The following SUMO2 variants were observed in gnomAD, a reference collection of about 807,000 sequenced individuals.
SUMO2 encodes the protein small ubiquitin-related modifier 2.
Under a neutral mutation model 16.0 loss-of-function variants are expected in SUMO2, and 1 was observed. The ratio of observed to expected loss-of-function variants is 0.06; its 90% confidence interval spans 0.02 to 0.30. The LOEUF (loss-of-function observed/expected upper bound fraction) is 0.30. SUMO2 is among the 10% of genes least tolerant of loss of function. The pLI, the probability that SUMO2 is intolerant of heterozygous loss-of-function variation, is 1.00. For synonymous variants in SUMO2, 36 were observed against 40.6 expected (o/e 0.89, Z 0.43); for missense variants, 16 against 117.5 (o/e 0.14, Z 3.99).
chr17:75,175,691 G>A (rs911705120), intron 2 of SUMO2, among the ~76,000 whole-genome samples: 4 of 152,058 alleles, frequency 2.6e-5, no homozygotes, highest in Non-Finnish European at 5.9e-5. Context: ...GGAGTGCAGT[G>A]GTGCGATCTT....
chr17:75,178,019 C>A lies in SUMO2; in HGVS notation c.153+3038G>T, dbSNP rs2074797370. Among the ~76,000 whole-genome samples, 5 of 139,898 alleles carry A rather than the reference C, an allele frequency of 3.6e-5. No individual in the cohort carries two copies. In the South Asian group the frequency reaches 1.1e-3, roughly 30 times the overall value. 91.8% of individuals were successfully genotyped at this position (139,898 alleles called of 152,430 possible). A position where few individuals can be genotyped will look rare whatever the true frequency, so the allele number is the denominator to read the frequency against. On this transcript the variant is annotated intron_variant, in intron 2 of 3. Transcript: ENST00000420826. Reference sequence around the variant, plus strand: ...AAAAAAAAAAAAAAAAAAGAATCGCCCAGTGGCACAAGCCTATAGTCCCAA... The same window carrying A: ...AAAAAAAAAAAAAAAAAAGAATCGCACAGTGGCACAAGCCTATAGTCCCAA...
At chr17:75,168,565 A>G (rs2074710792) in intron 3 of SUMO2, among the ~76,000 whole-genome samples, 164 bp from the exon 4 acceptor site, 1 of 152,112 alleles carries the variant, frequency 6.6e-6, no homozygotes, top group Non-Finnish European at 1.5e-5. Context: ...TGGTTTAAGT[A>G]ATTTTTCACT....
intron 2 of SUMO2, among the ~76,000 whole-genome samples, chr17:75,177,783 A>C (rs1399358301): frequency 2.0e-5 from 3 of 151,588 alleles, no homozygotes; most frequent in African/African-American, 7.3e-5. Context: ...ACCTGAGCTC[A>C]GGAGTTCAAG....
At position 75,170,369 on chromosome 17, in the gene SUMO2, A is replaced by C. The variant is rs139843510; in HGVS notation, c.226-1968T>G. On this transcript the variant is annotated intron_variant, in intron 3 of 3. Transcript: ENST00000420826. The stretch of plus-strand genomic sequence containing the variant: ...GGCGGATCACCAGGTCAACAGGTCA[A>C]ACCCATCCTGGCCAACATGGTGAAA... Among the ~76,000 whole-genome samples, 3 of 152,124 alleles carry C rather than the reference A, an allele frequency of 2.0e-5. No individual in the cohort carries two copies. The East Asian group carries it at 5.8e-4, about 30-fold the overall frequency.
intron 3 of SUMO2, among the ~76,000 whole-genome samples, chr17:75,171,864 C>T (rs558863437): frequency 6.6e-5 from 10 of 152,040 alleles, no homozygotes; most frequent in Non-Finnish European, 1.5e-4. Flanking sequence ...ACCAAACAAG[C>T]CTGTCATCTA....
At chr17:75,169,966 C>A (rs1170147955) in intron 3 of SUMO2, among the ~76,000 whole-genome samples, 1 of 151,414 alleles carries the variant, frequency 6.6e-6, no homozygotes, top group Non-Finnish European at 1.5e-5. Context: ...ACCAGCCTGG[C>A]CAAAATGGTG....
rs2074825803 is a variant in SUMO2 at position 75,181,171 on chromosome 17, C to T, written c.39G>A (p.Glu13=). The T allele has an allele frequency of 4.3e-6, 7 of 1,613,738 alleles. No individual in the cohort carries two copies. The highest frequency in any genetic ancestry group is 5.1e-6 in the Non-Finnish European group (6 of 1,179,904). The change falls in exon 2 of 4, where the codon GAG becomes GAA. Residue 13 remains glutamate, a synonymous_variant. Coordinates refer to ENST00000420826, the MANE Select transcript of SUMO2 (RefSeq NM_006937.4). ...DEKPKEGVKT[E]NNDHINLKVA... ...CCTTCAAATTAATATGATCGTTGTT[C>T]TCAGTCTTGACTCCTTCCTGTTAAA...
intron 3 of SUMO2, 105 bp downstream of exon 3, chr17:75,174,647 C>A: frequency 1.9e-6 from 2 of 1,045,098 alleles, no homozygotes; most frequent in Non-Finnish European, 1.4e-6. Context: ...AAGCTCTGAA[C>A]TCTACAAGAA....
At position 75,174,900 on chromosome 17, in the gene SUMO2, A is replaced by T; in HGVS notation, c.154-77T>A. On this transcript the variant is annotated intron_variant, in intron 2 of 3. Coordinates refer to ENST00000420826, the MANE Select transcript of SUMO2 (RefSeq NM_006937.4). The stretch of plus-strand genomic sequence containing the variant: ...TTTACATAAAAGTACATGCATATTT[A>T]ACCATGAATATATTAAAGAAATACC... 2.4e-6 allele frequency: 3 copies of T among 1,250,762 alleles called. No homozygotes were observed. In the South Asian group the frequency reaches 4.0e-5, roughly 17 times the overall value. 77.5% of individuals were successfully genotyped at this position (1,250,762 alleles called of 1,614,324 possible). A position where few individuals can be genotyped will look rare whatever the true frequency, so the allele number is the denominator to read the frequency against.
At chr17:75,169,890 C>T (rs2074723272) in intron 3 of SUMO2, among the ~76,000 whole-genome samples, 1 of 149,630 alleles carries the variant, frequency 6.7e-6, no homozygotes, top group African/African-American at 2.5e-5. Context: ...TGTGGCAGCT[C>T]ACACCTGTAA....
chr17:75,182,284 C>G (rs2074835186), intron 1 of SUMO2: 1 of 152,368 alleles, frequency 6.6e-6, no homozygotes. Context: ...CCGCGGGCAT[C>G]CAGGTTCCTG....
At chr17:75,169,545 G>A (rs909048928) in intron 3 of SUMO2, among the ~76,000 whole-genome samples, 1 of 151,736 alleles carries the variant, frequency 6.6e-6, no homozygotes, top group African/African-American at 2.4e-5. Flanking sequence ...CACAACGCCT[G>A]GCTAATTTTT....
At chr17:75,182,635 C>CGGGAGGGAGGAAGAGA (rs1267645991) in intron 1 of SUMO2, 179 bp downstream of exon 1, 4 of 404,126 alleles carry the variant, frequency 9.9e-6, no homozygotes, top group South Asian at 1.3e-4. Context: ...TCCTTCGGCG[C>CGGGAGGGAGGAAGAGA]GGGAGGGAGG....
chr17:75,176,089 G>A lies in SUMO2; in HGVS notation c.154-1266C>T, dbSNP rs1379706296. On this transcript the variant is annotated intron_variant, in intron 2 of 3. Coordinates refer to ENST00000420826, the MANE Select transcript of SUMO2 (RefSeq NM_006937.4). ...GGAGTCTCGCTCTGTCGCCCAGGCTGGAGTGAGTGGAACAATCTCAGTTCA... is the reference window on the plus strand; with the variant it reads ...GGAGTCTCGCTCTGTCGCCCAGGCTAGAGTGAGTGGAACAATCTCAGTTCA... 4.6e-5 allele frequency among the ~76,000 whole-genome samples: 7 copies of A among 151,738 alleles called. No individual in the cohort carries two copies. The Admixed American group carries it at 4.6e-4, about 10-fold the overall frequency.
chr17:75,179,659 G>GTTTTTTTTTTTT (rs560336347), intron 2 of SUMO2, among the ~76,000 whole-genome samples: 1 of 141,596 alleles, frequency 7.1e-6, no homozygotes. Flanking sequence ...ACATTCTAAA[G>GTTTTTTTTTTTT]TTTTTTTTTT....
intron 2 of SUMO2, among the ~76,000 whole-genome samples, chr17:75,175,035 G>C (rs1042920056): frequency 6.6e-6 from 1 of 152,068 alleles, no homozygotes; most frequent in African/African-American, 2.4e-5. Flanking sequence ...AGGCTGAAGT[G>C]CAGTGGCGTG....
chr17:75,166,342 G>A lies in SUMO2; in HGVS notation c.*1997C>T, dbSNP rs953679039. The stretch of plus-strand genomic sequence containing the variant: ...AATACAGAATTAGCCAGGTATGATG[G>A]TAGATGCTTGTAATCCCAGCTTTTC... On this transcript the variant is annotated 3_prime_UTR_variant, in exon 4 of 4. Coordinates refer to ENST00000420826, the MANE Select transcript of SUMO2 (RefSeq NM_006937.4). The A allele has an allele frequency of 6.6e-6, 1 of 152,206 alleles. No individual in the cohort carries two copies. The highest frequency in any genetic ancestry group is 2.4e-5 in the African/African-American group (1 of 41,412). 9.4% of individuals were successfully genotyped at this position (152,206 alleles called of 1,614,324 possible).
In SUMO2 at chr17:75,180,359, T is replaced by C. The variant is rs1260820754; in HGVS notation, c.153+698A>G. Reference sequence around the variant, plus strand: ...CACAATTTACAAGGTAGATAAGTTCTAGCTTAAAAGAAATAGAGTGAGACT... The same window carrying C: ...CACAATTTACAAGGTAGATAAGTTCCAGCTTAAAAGAAATAGAGTGAGACT... On this transcript the variant is annotated intron_variant, in intron 2 of 3. Transcript: ENST00000420826. Among the ~76,000 whole-genome samples, 19 of 113,486 alleles carry C rather than the reference T, an allele frequency of 1.7e-4. No individual in the cohort carries two copies. In the Admixed American group the frequency reaches 1.8e-3, roughly 11 times the overall value. The allele number at this position is 113,486 out of a possible 152,430, so 74.5% of individuals were successfully genotyped here.
At chr17:75,169,506 C>A (rs1455409779) in intron 3 of SUMO2, among the ~76,000 whole-genome samples, 1 of 151,474 alleles carries the variant, frequency 6.6e-6, no homozygotes, top group East Asian at 2.0e-4. Context: ...GCCTCAGCCT[C>A]CCGAGTAGCT....
Sources: gnomAD v4.1 joint callset for allele counts (sites outside exome capture counted in the v4.1 genomes callset) on GRCh38, gnomAD v4.1.1 for gene constraint, MANE v1.5 for transcripts, NCBI Gene and HGNC (gene_info 2026-07-23, HGNC 2026-07-21) for gene names.